SRGAP3: variants seen among roughly 807,000 people sequenced by gnomAD.
SRGAP3 encodes SLIT-ROBO Rho GTPase activating protein 3.
SRGAP3 carries 39 observed loss-of-function variants against 121.1 expected under a neutral mutation model. The ratio of observed to expected loss-of-function variants is 0.32; its 90% CI spans 0.25 to 0.42. The LOEUF is 0.42. Ranked by LOEUF, SRGAP3 falls within the 10% of genes least tolerant of loss-of-function variation. The pLI is 1.00. For synonymous variants in SRGAP3, 601 were observed against 570.0 expected (o/e 1.05, Z -0.77); for missense variants, 1,213 against 1,470.6 (o/e 0.82, Z 2.86).
intron 9 of SRGAP3, among the ~76,000 whole-genome samples, chr3:9,051,468 G>A (rs573940182): frequency 1.3e-5 from 2 of 152,274 alleles, no homozygotes; most frequent in South Asian, 2.1e-4. Context: ...TCAGGATGTT[G>A]ACTAAAACCA....
rs1941422871 is a variant in SRGAP3 at position 8,981,710 on chromosome 3, T to C, written c.*3809A>G. The C allele has an allele frequency of 4.3e-6, 1 of 230,878 alleles. No individual in the cohort carries two copies. The highest frequency in any genetic ancestry group is 2.2e-5 in the African/African-American group (1 of 45,180). 14.3% of individuals were successfully genotyped at this position (230,878 alleles called of 1,614,324 possible). On this transcript the variant is annotated 3_prime_UTR_variant, in exon 22 of 22. Transcript: ENST00000383836. ...ACCACAAACCGGTTTTAAATGTTTA[T>C]AAGGCAGATCTCTGAACTGCTGGTT...
At chr3:8,991,567 A>T (rs1015685991) in intron 20 of SRGAP3, among the ~76,000 whole-genome samples, 1 of 152,172 alleles carries the variant, frequency 6.6e-6, no homozygotes, top group African/African-American at 2.4e-5. Flanking sequence ...TCCTCTCTCA[A>T]GCCCACTTTA....
At chr3:9,096,718 T>G (rs1237022553) in intron 3 of SRGAP3, among the ~76,000 whole-genome samples, 1 of 151,640 alleles carries the variant, frequency 6.6e-6, no homozygotes, top group African/African-American at 2.4e-5. Flanking sequence ...CACCATCATT[T>G]AGAACTAATC....
intron 3 of SRGAP3, among the ~76,000 whole-genome samples, chr3:9,283,388 A>G (rs972733890): frequency 3.3e-5 from 5 of 152,182 alleles, no homozygotes; most frequent in Admixed American, 6.5e-5. Context: ...CATGCATTGG[A>G]TGATATTGGA....
intron 18 of SRGAP3, among the ~76,000 whole-genome samples, chr3:9,005,016 T>G (rs1168396524): frequency 1.3e-5 from 2 of 152,220 alleles, no homozygotes; most frequent in East Asian, 3.8e-4. Context: ...ATTGTATATC[T>G]GATAAGGGAC....
intron 2 of SRGAP3, among the ~76,000 whole-genome samples, chr3:9,110,665 C>A (rs1948591374): frequency 1.3e-5 from 2 of 152,258 alleles, no homozygotes; most frequent in Admixed American, 1.3e-4. Context: ...TAGGTCCATC[C>A]CAGCATGGGA....
chr3:9,024,460 T>G (rs1028257417), intron 14 of SRGAP3, among the ~76,000 whole-genome samples: 6 of 152,212 alleles, frequency 3.9e-5, no homozygotes, highest in African/African-American at 1.4e-4. Context: ...AGATAAGCAC[T>G]GAATATTCAA....
intron 3 of SRGAP3, among the ~76,000 whole-genome samples, chr3:9,321,687 G>A (rs915260293): frequency 2.6e-5 from 4 of 151,870 alleles, no homozygotes; most frequent in Non-Finnish European, 5.9e-5. Context: ...GAACACGGAT[G>A]GAGCTGGTGG....
At chr3:9,076,738 C>T (rs2125253116) in intron 4 of SRGAP3, among the ~76,000 whole-genome samples, 1 of 147,942 alleles carries the variant, frequency 6.8e-6, no homozygotes, top group African/African-American at 2.5e-5. Context: ...CCATCTCTCA[C>T]ACATGTGCAT....
intron 17 of SRGAP3, 93 bp downstream of exon 17, chr3:9,013,211 TATCA>T: frequency 8.2e-7 from 1 of 1,216,780 alleles, no homozygotes; most frequent in Non-Finnish European, 1.2e-6. Flanking sequence ...AAGCACCGAC[TATCA>T]AGCAGTAAGA....
chr3:9,259,790 G>A (rs554063007), intron 3 of SRGAP3, among the ~76,000 whole-genome samples: 1 of 150,284 alleles, frequency 6.7e-6, no homozygotes, highest in South Asian at 2.1e-4. Flanking sequence ...TGTGACTGCA[G>A]AATTCAATTT....
chr3:9,345,293 C>A (rs572297668), intron 1 of SRGAP3, among the ~76,000 whole-genome samples: 1 of 152,054 alleles, frequency 6.6e-6, no homozygotes, highest in Non-Finnish European at 1.5e-5. Context: ...GAGTTTGAGA[C>A]CAGCCTGGAC....
intron 1 of SRGAP3, among the ~76,000 whole-genome samples, chr3:9,166,671 G>C (rs1339508705): frequency 6.6e-6 from 1 of 152,180 alleles, no homozygotes; most frequent in Non-Finnish European, 1.5e-5. Context: ...TTCAAGCATA[G>C]TACTTTGGGG....
chr3:9,323,967 A>G (rs2600171), intron 3 of SRGAP3, among the ~76,000 whole-genome samples: 118,060 of 151,676 alleles, frequency 0.78, 46,697 homozygotes, highest in African/African-American at 0.9. Context: ...CAGATTCACA[A>G]AGACTCCAGG....
At chr3:9,277,420 C>T (rs1954605519) in intron 3 of SRGAP3, among the ~76,000 whole-genome samples, 2 of 150,458 alleles carry the variant, frequency 1.3e-5, no homozygotes, top group African/African-American at 4.9e-5. Flanking sequence ...GCCAACATGG[C>T]AAGTCCCCAT....
intron 2 of SRGAP3, among the ~76,000 whole-genome samples, chr3:9,328,833 T>C (rs1005125240): frequency 6.6e-6 from 1 of 152,220 alleles, no homozygotes; most frequent in African/African-American, 2.4e-5. Context: ...GAGTAGTTAA[T>C]TTTGAACTTG....
At chr3:9,351,638 C>A (rs1455314258) in intron 1 of SRGAP3, among the ~76,000 whole-genome samples, 1 of 151,988 alleles carries the variant, frequency 6.6e-6, no homozygotes, top group African/African-American at 2.4e-5. Context: ...AAAAGTGGTC[C>A]CATAAGATTA....
chr3:9,316,546 G>C (rs1157592373), intron 3 of SRGAP3, among the ~76,000 whole-genome samples: 1 of 152,056 alleles, frequency 6.6e-6, no homozygotes, highest in Non-Finnish European at 1.5e-5. Context: ...TGCAGTCCCA[G>C]CTACTCGGGA....
At chr3:9,252,641 C>T (rs1954043549), upstream of SRGAP3, among the ~76,000 whole-genome samples, 4 of 152,262 alleles carry the variant, frequency 2.6e-5, no homozygotes, top group South Asian at 8.3e-4. Context: ...ATCTTCTATC[C>T]CCAAGAAGAT....
Sources: gnomAD v4.1 joint callset for allele counts (sites outside exome capture counted in the v4.1 genomes callset) on GRCh38, gnomAD v4.1.1 for gene constraint, MANE v1.5 for transcripts, NCBI Gene and HGNC (gene_info 2026-07-23, HGNC 2026-07-21) for gene names.